Variants in RYR2 observed in about 807,000 individuals in gnomAD.
RYR2 encodes the protein ryanodine receptor 2.
In RYR2, 227 loss-of-function variants were observed where a neutral mutation model predicts 601.1. That is an observed-to-expected ratio of 0.38 (90% CI 0.34 to 0.42). The LOEUF (loss-of-function observed/expected upper bound fraction) is 0.42, where lower values mean the gene tolerates loss of function less well. Ranked by LOEUF, RYR2 falls within the 10% of genes least tolerant of loss-of-function variation. The pLI is 1.00. For missense variants in RYR2, 4,646 were observed against 6,156.5 expected, an observed-to-expected ratio of 0.75 and a Z score of 8.21; for synonymous variants, 2,223 against 2,175.1, an observed-to-expected ratio of 1.02 and a Z score of -0.61.
intron 2 of RYR2, among the ~76,000 whole-genome samples, chr1:237,297,926 A>ATTTTTTT (rs71661539): frequency 1.0e-4 from 14 of 133,378 alleles, no homozygotes; most frequent in African/African-American, 2.5e-4. Context: ...AATTTTTTGT[A>ATTTTTTT]TTTTTTTTTT....
chr1:237,553,103 A>AT (rs1670565494), intron 27 of RYR2, among the ~76,000 whole-genome samples: 2 of 151,914 alleles, frequency 1.3e-5, no homozygotes, highest in Admixed American at 1.3e-4. Context: ...TCCATTTATG[A>AT]TTTTTTTCCT....
chr1:237,340,729 T>G (rs1697698022), intron 3 of RYR2, among the ~76,000 whole-genome samples: 1 of 152,228 alleles, frequency 6.6e-6, no homozygotes, highest in Admixed American at 6.5e-5. Context: ...ACAAATTTAC[T>G]AATTAATGTA....
intron 66 of RYR2, among the ~76,000 whole-genome samples, chr1:237,704,690 T>C (rs1688227160): frequency 6.6e-6 from 1 of 152,080 alleles, no homozygotes; most frequent in Admixed American, 6.6e-5. Context: ...GTTTTTTAAG[T>C]CTTTTTTGTG....
intron 44 of RYR2, among the ~76,000 whole-genome samples, chr1:237,636,785 C>T (rs671348): frequency 0.29 from 44,236 of 152,066 alleles, 6,878 homozygotes; most frequent in East Asian, 0.59. Flanking sequence ...ACTTGAATAC[C>T]GACCATCAAT....
intron 80 of RYR2, among the ~76,000 whole-genome samples, chr1:237,753,101 G>A (rs1211564932): frequency 1.3e-5 from 2 of 152,194 alleles, no homozygotes; most frequent in African/African-American, 4.8e-5. Flanking sequence ...CAATGTAGCT[G>A]AGGCAGGTCC....
At chr1:237,524,192 A>C (rs1281214602) in intron 24 of RYR2, among the ~76,000 whole-genome samples, 1 of 152,236 alleles carries the variant, frequency 6.6e-6, no homozygotes, top group Non-Finnish European at 1.5e-5. Context: ...ATAAAATGTG[A>C]TCCAGTATTA....
intron 63 of RYR2, among the ~76,000 whole-genome samples, chr1:237,688,425 T>C (rs78119942): frequency 0.054 from 8,238 of 151,414 alleles, 245 homozygotes; most frequent in Middle Eastern, 0.072. Flanking sequence ...TATATATATA[T>C]ACACACACAC....
chr1:237,402,199 G>A (rs1703405497), intron 10 of RYR2, among the ~76,000 whole-genome samples: 1 of 150,838 alleles, frequency 6.6e-6, no homozygotes. Flanking sequence ...TTCGAGACCT[G>A]CCTGGGCAAC....
At chr1:237,406,264 T>C (rs1703892803) in intron 10 of RYR2, among the ~76,000 whole-genome samples, 1 of 140,760 alleles carries the variant, frequency 7.1e-6, no homozygotes, top group African/African-American at 2.6e-5. Context: ...TTCCCCATAC[T>C]ACTACCTAGG....
chr1:237,148,433 A>G (rs1381313871), intron 1 of RYR2, among the ~76,000 whole-genome samples: 1 of 151,118 alleles, frequency 6.6e-6, no homozygotes, highest in Non-Finnish European at 1.5e-5. Flanking sequence ...TGACGGGTTG[A>G]TAGGTACAGC....
intron 71 of RYR2, among the ~76,000 whole-genome samples, chr1:237,712,077 C>A (rs1383353083): frequency 1.3e-5 from 2 of 152,058 alleles, no homozygotes; most frequent in East Asian, 3.9e-4. Flanking sequence ...ACTGACAGAT[C>A]CCTGGAAACA....
intron 94 of RYR2, 53 bp downstream of exon 94, chr1:237,792,376 TGTGTGC>T (rs1209535707): frequency 1.9e-5 from 15 of 771,538 alleles, no homozygotes; most frequent in Middle Eastern, 3.7e-4. Flanking sequence ...TGTGTGTGTG[TGTGTGC>T]GTGTGTGTGT....
chr1:237,145,978 G>T (rs531292595), intron 1 of RYR2, among the ~76,000 whole-genome samples: 1 of 152,314 alleles, frequency 6.6e-6, no homozygotes, highest in South Asian at 2.1e-4. Flanking sequence ...CAGAATCTCA[G>T]TAAGCAGGGT....
chr1:237,082,187 T>A (rs953510657), intron 1 of RYR2, among the ~76,000 whole-genome samples: 4 of 152,252 alleles, frequency 2.6e-5, no homozygotes, highest in Admixed American at 1.3e-4. Context: ...TCATGTTATA[T>A]TAACTTATTG....
intron 25 of RYR2, among the ~76,000 whole-genome samples, chr1:237,547,767 C>T (rs919635166): frequency 3.3e-5 from 5 of 152,178 alleles, no homozygotes; most frequent in African/African-American, 1.2e-4. Context: ...TACGATAATA[C>T]CTTCTCTCTC....
intron 25 of RYR2, among the ~76,000 whole-genome samples, chr1:237,538,938 A>G (rs935728308): frequency 2.0e-5 from 3 of 152,138 alleles, no homozygotes; most frequent in African/African-American, 7.2e-5. Context: ...CTTGAATTCT[A>G]CATTTCAAGG....
Position 237,726,313 on chromosome 1 carries a change from G to A in RYR2, c.10725+5G>A. On this transcript the variant is annotated splice_donor_5th_base_variant and intron_variant, in intron 75 of 104. Coordinates refer to ENST00000366574, the MANE Select transcript of RYR2 (RefSeq NM_001035.3). The stretch of plus-strand genomic sequence containing the variant: ...GGTCGGAGACATTACTGTCTGGGAA[G>A]TACAGTGCTCAATGGCCTAGAGATT... 6.4e-7 allele frequency: 1 copy of A among 1,573,378 alleles called. No individual in the cohort carries two copies. The highest frequency in any genetic ancestry group is 8.7e-7 in the Non-Finnish European group (1 of 1,149,042).
intron 48 of RYR2, among the ~76,000 whole-genome samples, chr1:237,645,642 G>A (rs778825152): frequency 1.3e-5 from 2 of 152,146 alleles, no homozygotes; most frequent in Non-Finnish European, 2.9e-5. Flanking sequence ...GTACCTCCTC[G>A]TTTCCTCCAG....
rs921086363 is a variant in RYR2 at position 237,685,621 on chromosome 1, G to T, written c.9018-1834G>T. ...ATTGGAGTACAGGGATCCAAAGTAT[G>T]TACAATTCTAAACTGAATTATTCTC... is the stretch of plus-strand genomic sequence containing the variant. On this transcript the variant is annotated intron_variant, in intron 62 of 104. Transcript: ENST00000366574. Among the ~76,000 whole-genome samples, 5 of 152,162 alleles carry T rather than the reference G, an allele frequency of 3.3e-5. No individual in the cohort carries two copies. In the East Asian group the frequency reaches 9.6e-4, roughly 29 times the overall value.
Sources: allele counts gnomAD v4.1 joint callset (sites outside exome capture counted in the v4.1 genomes callset), GRCh38; gene constraint gnomAD v4.1.1; transcripts MANE v1.5; gene names NCBI Gene and HGNC (gene_info 2026-07-23, HGNC 2026-07-21).